The following DOCK1 variants were observed in gnomAD, a reference collection of about 807,000 sequenced individuals.
DOCK1 encodes the protein dedicator of cytokinesis protein 1.
In DOCK1, 138 loss-of-function variants were observed where a neutral mutation model predicts 262.7. The ratio of observed to expected loss-of-function variants is 0.53; its 90% confidence interval spans 0.46 to 0.61. The LOEUF (loss-of-function observed/expected upper bound fraction) is 0.61. Ranked by LOEUF, DOCK1 falls within the 20% of genes least tolerant of loss-of-function variation. The pLI is 0.00. For synonymous variants in DOCK1, 866 were observed against 867.4 expected, an observed-to-expected ratio of 1.00 and a Z score of 0.03; for missense variants, 1,908 against 2,370.7, an observed-to-expected ratio of 0.80 and a Z score of 4.05.
chr10:127,013,613 G>A (rs1273925664), intron 12 of DOCK1: 1 of 152,226 alleles, frequency 6.6e-6, no homozygotes, highest in Non-Finnish European at 1.5e-5. Context: ...AGGCTCACTG[G>A]TGTGTGGCCA....
chr10:127,035,915 T>C (rs2043564072), intron 18 of DOCK1, among the ~76,000 whole-genome samples: 1 of 151,804 alleles, frequency 6.6e-6, no homozygotes, highest in Admixed American at 6.6e-5. Context: ...GGTGGGAGGA[T>C]TGCTTGAGCC....
At chr10:127,254,405 C>T (rs2059762638) in intron 28 of DOCK1, among the ~76,000 whole-genome samples, 1 of 152,120 alleles carries the variant, frequency 6.6e-6, no homozygotes, top group Non-Finnish European at 1.5e-5. Context: ...GAAGCTTGTT[C>T]TGAGATTCAA....
At chr10:127,420,567 G>A (rs2068441378) in intron 46 of DOCK1, among the ~76,000 whole-genome samples, 1 of 152,130 alleles carries the variant, frequency 6.6e-6, no homozygotes, top group African/African-American at 2.4e-5. Flanking sequence ...GGCCTGCATG[G>A]GTTTGGACCA....
chr10:127,031,347 T>C (rs765849524), intron 16 of DOCK1, among the ~76,000 whole-genome samples: 4 of 152,212 alleles, frequency 2.6e-5, no homozygotes, highest in Non-Finnish European at 5.9e-5. Flanking sequence ...ACCATGCTGC[T>C]CTTCTTGGCC....
chr10:126,918,185 C>T lies in DOCK1; in HGVS notation c.46+12622C>T, dbSNP rs1050138145. ...GATGCTCAGGATCACCAGCGTGCAG[C>T]GGGGACTCCACTGATGCCTGGGATT... On this transcript the variant is annotated intron_variant, in intron 1 of 51. Transcript: ENST00000623213. Among the ~76,000 whole-genome samples the T allele has an allele frequency of 5.3e-5, 8 of 151,424 alleles. No individual in the cohort carries two copies. The East Asian group carries it at 9.7e-4, about 18-fold the overall frequency.
intron 5 of DOCK1, 55 bp from the exon 6 acceptor site, chr10:126,990,400 C>G: frequency 6.6e-7 from 1 of 1,524,120 alleles, no homozygotes; most frequent in Non-Finnish European, 8.9e-7. Context: ...TCTCTACCAT[C>G]TCCACAATGC....
At chr10:126,994,442 G>C (rs2040020987) in intron 6 of DOCK1, among the ~76,000 whole-genome samples, 1 of 152,202 alleles carries the variant, frequency 6.6e-6, no homozygotes, top group Non-Finnish European at 1.5e-5. Flanking sequence ...AAGGTCTCTG[G>C]TTTTCCTAGG....
At chr10:127,079,383 CCTT>C (rs1300499216) in intron 23 of DOCK1, among the ~76,000 whole-genome samples, 1 of 152,204 alleles carries the variant, frequency 6.6e-6, no homozygotes, top group African/African-American at 2.4e-5. Flanking sequence ...TCTCTGGAAT[CCTT>C]CTCTCTCTCC....
chr10:127,281,659 C>T (rs2060966515), intron 29 of DOCK1, among the ~76,000 whole-genome samples: 1 of 152,098 alleles, frequency 6.6e-6, no homozygotes, highest in African/African-American at 2.4e-5. Flanking sequence ...GCAGGGAGAC[C>T]CCAGGGGCTT....
chr10:126,948,718 C>T (rs1429080670), intron 1 of DOCK1, among the ~76,000 whole-genome samples: 1 of 151,982 alleles, frequency 6.6e-6, no homozygotes, highest in African/African-American at 2.4e-5. Flanking sequence ...TGCGGGCGCC[C>T]AGCTGTGCAG....
chr10:127,130,065 C>CTTT (rs74721427), intron 27 of DOCK1, among the ~76,000 whole-genome samples: 15 of 117,550 alleles, frequency 1.3e-4, no homozygotes, highest in African/African-American at 5.9e-4. Flanking sequence ...TTAGGGTCTT[C>CTTT]TTTTTTTTTT....
intron 21 of DOCK1, among the ~76,000 whole-genome samples, chr10:127,046,719 G>T (rs2044369267): frequency 7.8e-6 from 1 of 128,752 alleles, no homozygotes; most frequent in Non-Finnish European, 1.5e-5. Flanking sequence ...AGAGATCACA[G>T]CACTGCACTC....
intron 1 of DOCK1, among the ~76,000 whole-genome samples, chr10:126,926,274 TAG>T (rs1448185788): frequency 6.6e-6 from 1 of 151,814 alleles, no homozygotes; most frequent in Non-Finnish European, 1.5e-5. Flanking sequence ...TTTTAAATAC[TAG>T]AGAGCTGTTA....
At chr10:127,038,008 T>C (rs1194648677) in intron 19 of DOCK1, among the ~76,000 whole-genome samples, 192 bp downstream of exon 19, 1 of 151,776 alleles carries the variant, frequency 6.6e-6, no homozygotes, top group Non-Finnish European at 1.5e-5. Flanking sequence ...CCGAGGTGGG[T>C]GGATCACCTG....
chr10:127,014,140 A>G (rs1474654889), intron 12 of DOCK1, among the ~76,000 whole-genome samples: 1 of 152,168 alleles, frequency 6.6e-6, no homozygotes, highest in African/African-American at 2.4e-5. Flanking sequence ...GTTTATGCCA[A>G]CATGTTTCCT....
At chr10:127,222,736 G>C (rs923288006) in intron 27 of DOCK1, among the ~76,000 whole-genome samples, 41 of 151,984 alleles carry the variant, frequency 2.7e-4, no homozygotes, top group Admixed American at 6.6e-5. Flanking sequence ...TATGATCGTG[G>C]CTCACTGCGG....
chr10:127,050,133 G>A (rs1302142238), intron 21 of DOCK1, among the ~76,000 whole-genome samples: 2 of 151,722 alleles, frequency 1.3e-5, no homozygotes, highest in Non-Finnish European at 2.9e-5. Context: ...GTCAGATCAT[G>A]CGGCAGTAAA....
chr10:127,006,015 T>C (rs1591617994), intron 10 of DOCK1, among the ~76,000 whole-genome samples: 1 of 152,346 alleles, frequency 6.6e-6, no homozygotes, highest in East Asian at 1.9e-4. Context: ...TGTAGTCCTG[T>C]GATTCCAGCA....
chr10:127,177,201 A>G (rs923407407), intron 27 of DOCK1: 1 of 151,908 alleles, frequency 6.6e-6, no homozygotes, highest in African/African-American at 2.4e-5. Context: ...TGTGATCACA[A>G]CCTCCGAAAA....
Sources: allele counts gnomAD v4.1 joint callset (sites outside exome capture counted in the v4.1 genomes callset), GRCh38; gene constraint gnomAD v4.1.1; transcripts MANE v1.5; gene names NCBI Gene and HGNC (gene_info 2026-07-23, HGNC 2026-07-21).